Variants in PCCB observed in about 807,000 individuals in gnomAD.
The protein encoded by PCCB is propionyl-CoA carboxylase beta chain, mitochondrial.
PCCB carries 43 observed loss-of-function variants against 60.7 expected under a neutral mutation model. That is an observed-to-expected ratio of 0.71 (90% CI 0.55 to 0.91). The LOEUF (loss-of-function observed/expected upper bound fraction) is 0.91, where lower values mean the gene tolerates loss of function less well. Ranked by LOEUF, PCCB falls within the 40% of genes least tolerant of loss-of-function variation. The pLI is 0.00. For missense variants in PCCB, 766 were observed against 702.8 expected, an observed-to-expected ratio of 1.09 and a Z score of -1.02; for synonymous variants, 276 against 255.9, an observed-to-expected ratio of 1.08 and a Z score of -0.75.
chr3:136,312,396 A>G (rs1191944556), intron 9 of PCCB, among the ~76,000 whole-genome samples: 3 of 152,208 alleles, frequency 2.0e-5, no homozygotes, highest in Admixed American at 6.5e-5. Flanking sequence ...TACAGTAAAA[A>G]TAGGGTATTA....
At chr3:136,294,167 T>C (rs1165074938) in intron 7 of PCCB, among the ~76,000 whole-genome samples, 2 of 152,200 alleles carry the variant, frequency 1.3e-5, no homozygotes, top group Non-Finnish European at 2.9e-5. Context: ...GTATGTACAG[T>C]TGAACCTTTG....
chr3:136,274,097 A>G (rs1942278679), intron 5 of PCCB, among the ~76,000 whole-genome samples: 1 of 151,814 alleles, frequency 6.6e-6, no homozygotes, highest in Non-Finnish European at 1.5e-5. Flanking sequence ...GCCATTCTGT[A>G]TCTAAGTGGA....
In PCCB at chr3:136,290,671, GTT is replaced by G. The variant is rs61191314; in HGVS notation, c.655-3069_655-3068del. On this transcript the variant is annotated intron_variant, in intron 6 of 14. Coordinates refer to ENST00000251654, the MANE Select transcript of PCCB (RefSeq NM_000532.5). ...CACTACACCTAGCTTTCTCTGTGTA[GTT>G]TTTTTTTTTTTTTTTGTCATTCATC... Among the ~76,000 whole-genome samples, 23 of 60,050 alleles carry G rather than the reference GTT, an allele frequency of 3.8e-4. 1 individual carries two copies. The highest frequency in any genetic ancestry group is 4.6e-4 in the Non-Finnish European group (17 of 36,792). The allele number at this position is 60,050 out of a possible 152,430, so 39.4% of individuals were successfully genotyped here.
intron 6 of PCCB, among the ~76,000 whole-genome samples, chr3:136,285,551 C>G (rs947945763): frequency 6.6e-6 from 1 of 150,542 alleles, no homozygotes; most frequent in South Asian, 2.1e-4. Flanking sequence ...ACCACTAAAT[C>G]GTTTTTTTTT....
intron 9 of PCCB, among the ~76,000 whole-genome samples, chr3:136,307,627 AAAAT>A (rs762387933): frequency 2.5e-4 from 38 of 152,088 alleles, no homozygotes; most frequent in Non-Finnish European, 2.2e-4. Flanking sequence ...ATAAAGGGGA[AAAAT>A]AAAAAAAAAG....
At position 136,298,020 on chromosome 3, in the gene PCCB, C is replaced by A. The variant is rs1473386084; in HGVS notation, c.832C>A (p.Leu278Met). ...LCNLRDFFNY[L>M]PLSSQDPAPV... ...TAATCTCCGGGATTTCTTCAACTAC[C>A]TGCCCCTGAGCAGTCAGGACCCGGC... is the stretch of plus-strand genomic sequence containing the variant. Residue 278 changes from leucine (L) to methionine (M), a missense_variant, in exon 8 of 15, where the codon CTG becomes ATG. Transcript: ENST00000251654. The A allele has an allele frequency of 6.2e-7, 1 of 1,614,160 alleles. No individual in the cohort carries two copies. The highest frequency in any genetic ancestry group is 1.7e-5 in the Admixed American group (1 of 60,024).
chr3:136,250,481 A>C lies in PCCB; in HGVS notation c.106A>C (p.Asn36His), dbSNP rs1941480759. 6 of 1,612,530 alleles carry C rather than the reference A, an allele frequency of 3.7e-6. No individual in the cohort carries two copies. The African/African-American group carries it at 8.0e-5, about 21-fold the overall frequency. The change falls in exon 1 of 15, where the codon AAC becomes CAC. Residue 36 changes from asparagine to histidine, a missense_variant. Physicochemically the swap from Asn to His is moderately conservative, Grantham distance 68. Coordinates refer to ENST00000251654, the MANE Select transcript of PCCB (RefSeq NM_000532.5). ...CCTTTGCAGCCAGGCCACCTCTGTT[A>C]ACGAACGCATCGAAAACAAGCGCCG... is the stretch of plus-strand genomic sequence containing the variant. The part of the protein sequence containing the change: ...RSLCSQATSV[N>H]ERIENKRRTA...
chr3:136,328,345 G>A, intron 13 of PCCB, among the ~76,000 whole-genome samples: 1 of 152,182 alleles, frequency 6.6e-6, no homozygotes, highest in African/African-American at 2.4e-5. Flanking sequence ...CCACCGAATT[G>A]TATACTCAGG....
chr3:136,253,646 A>G (rs190589980), intron 1 of PCCB, among the ~76,000 whole-genome samples: 62 of 151,236 alleles, frequency 4.1e-4, no homozygotes, highest in African/African-American at 1.5e-3. Flanking sequence ...CGGCCTCCCA[A>G]AGTGCTGGGA....
At chr3:136,307,441 G>C (rs1418424576) in intron 9 of PCCB, among the ~76,000 whole-genome samples, 1 of 152,080 alleles carries the variant, frequency 6.6e-6, no homozygotes, top group Non-Finnish European at 1.5e-5. Context: ...TGCAGAATCA[G>C]CTCACTGATT....
At chr3:136,319,606 C>T (rs1173823296) in intron 10 of PCCB, among the ~76,000 whole-genome samples, 1 of 152,150 alleles carries the variant, frequency 6.6e-6, no homozygotes, top group Non-Finnish European at 1.5e-5. Context: ...CCATGTTGGC[C>T]AGGCTGGTCT....
At position 136,250,545 on chromosome 3, in the gene PCCB, C is replaced by G. The variant is rs200636968; in HGVS notation, c.170C>G (p.Ala57Gly). 2 of 1,612,220 alleles carry G rather than the reference C, an allele frequency of 1.2e-6. No individual in the cohort carries two copies. The highest frequency in any genetic ancestry group is 2.2e-5 in the East Asian group (1 of 44,868). ...GGAGGGGGCCAACGCCGTATTGACG[C>G]GCAGCACAAGCGAGTGAGTCCTGAG... ...LLGGGQRRID[A>G]QHKRGKLTAR... The change falls in exon 1 of 15, where the codon GCG becomes GGG. Residue 57 changes from alanine to glycine, a missense_variant. Transcript: ENST00000251654.
In PCCB at chr3:136,264,448, G is replaced by GTGTGTATATATATA. The variant is rs1015530159; in HGVS notation, c.543+2384_543+2385insGTGTATATATATAT. 1.5e-3 allele frequency among the ~76,000 whole-genome samples: 160 copies of GTGTGTATATATATA among 107,290 alleles called. 4 individuals are homozygous for GTGTGTATATATATA. Among genetic ancestry groups the GTGTGTATATATATA allele is most frequent in the African/African-American group, 4.5e-3 (148 of 33,230 alleles). The allele number at this position is 107,290 out of a possible 152,430, so 70.4% of individuals were successfully genotyped here. On this transcript the variant is annotated intron_variant, in intron 5 of 14. Coordinates refer to ENST00000251654, the MANE Select transcript of PCCB (RefSeq NM_000532.5). ...CATATATATGTGTGTGTGTATATAT[G>GTGTGTATATATATA]TATATATATATATGTTCCTCCTGGC...
At chr3:136,323,354 T>G (rs932796901) in intron 10 of PCCB, among the ~76,000 whole-genome samples, 2 of 152,248 alleles carry the variant, frequency 1.3e-5, no homozygotes, top group Non-Finnish European at 2.9e-5. Context: ...TTCTGCCTGC[T>G]CAAATCTCCT....
At position 136,306,241 on chromosome 3, in the gene PCCB, T is replaced by G. The variant is rs527655465; in HGVS notation, c.966+5130T>G. Among the ~76,000 whole-genome samples the G allele has an allele frequency of 1.1e-4, 14 of 123,194 alleles. 3 individuals are homozygous for G. In the Admixed American group the frequency reaches 1.4e-3, roughly 12 times the overall value. 80.8% of individuals were successfully genotyped at this position (123,194 alleles called of 152,430 possible). A position where few individuals can be genotyped will look rare whatever the true frequency, so the allele number is the denominator to read the frequency against. On this transcript the variant is annotated intron_variant, in intron 9 of 14. Transcript: ENST00000251654. ...AAAAGTCAATCATGAAGCAGCTGACTATGCTTCAATCTGAGTGCAGTAGCC... is the reference window on the plus strand; with the variant it reads ...AAAAGTCAATCATGAAGCAGCTGACGATGCTTCAATCTGAGTGCAGTAGCC...
chr3:136,250,648 C>A (rs1183711984), intron 1 of PCCB, 90 bp downstream of exon 1: 4 of 1,314,300 alleles, frequency 3.0e-6, no homozygotes, highest in East Asian at 2.5e-5. Flanking sequence ...GGCCTCCCTG[C>A]CAATCCGCAC....
rs547785444 is a variant in PCCB at position 136,255,120 on chromosome 3, C to T, written c.184-736C>T. 2.6e-5 allele frequency among the ~76,000 whole-genome samples: 4 copies of T among 152,130 alleles called. No individual in the cohort carries two copies. In the East Asian group the frequency reaches 5.8e-4, roughly 22 times the overall value. Reference sequence around the variant, plus strand: ...CGATCTCCTGACCTTGTGATCCACCCGCCTCTGCCTCTCAAAGTGCTGGGA... The same window carrying T: ...CGATCTCCTGACCTTGTGATCCACCTGCCTCTGCCTCTCAAAGTGCTGGGA... On this transcript the variant is annotated intron_variant, in intron 1 of 14. Transcript: ENST00000251654.
At chr3:136,256,304 ATTGT>A (rs1941669738) in intron 2 of PCCB, 1 of 577,684 alleles carries the variant, frequency 1.7e-6, no homozygotes, top group Non-Finnish European at 3.1e-6. Context: ...CTGGGTCTTG[ATTGT>A]TTTGCTTTTA....
chr3:136,318,175 AAAAATAC>A (rs1934979587), intron 10 of PCCB, among the ~76,000 whole-genome samples: 1 of 152,142 alleles, frequency 6.6e-6, no homozygotes, highest in African/African-American at 2.4e-5. Flanking sequence ...TGTCTCTACT[AAAAATAC>A]AAAATACAAA....
Sources: allele counts gnomAD v4.1 joint callset (sites outside exome capture counted in the v4.1 genomes callset), GRCh38; gene constraint gnomAD v4.1.1; transcripts MANE v1.5; gene names NCBI Gene and HGNC (gene_info 2026-07-23, HGNC 2026-07-21).